The following CPED1 variants were observed in gnomAD, a reference collection of about 807,000 sequenced individuals.
The protein encoded by CPED1 is cadherin like and PC-esterase domain containing 1.
In CPED1, 114 loss-of-function variants were observed where a neutral mutation model predicts 128.2. That is an observed-to-expected ratio of 0.89 (90% confidence interval 0.76 to 1.04). The LOEUF (loss-of-function observed/expected upper bound fraction) is 1.04, where lower values mean the gene tolerates loss of function less well. Among genes scored for constraint, CPED1 ranks in the 50% least tolerant of loss-of-function variants. The pLI, the probability that CPED1 is intolerant of heterozygous loss-of-function variation, is 0.00. For missense variants in CPED1, 1,211 were observed against 1,207.1 expected (o/e 1.00, Z -0.05); for synonymous variants, 462 against 426.7 (o/e 1.08, Z -1.02).
In CPED1 at chr7:121,266,752, T is replaced by C; in HGVS notation, c.2577T>C (p.Gly859=). 6.2e-7 allele frequency: 1 copy of C among 1,613,094 alleles called. No homozygotes were observed. Among genetic ancestry groups the C allele is most frequent in the Non-Finnish European group, 8.5e-7 (1 of 1,179,328 alleles). The change falls in exon 20 of 23, where the codon GGT becomes GGC. Residue 859 remains glycine, a synonymous_variant. Transcript: ENST00000310396. ...ENTGQTVLVV[G]GVQWLNSNHL... ...CTGGCCAGACTGTATTGGTTGTTGGTGGTGTTCAGTGGCTTAATTCCAATC... is the reference window on the plus strand; with the variant it reads ...CTGGCCAGACTGTATTGGTTGTTGGCGGTGTTCAGTGGCTTAATTCCAATC...
In CPED1 at chr7:121,271,665, A is replaced by G. The variant is rs137896300; in HGVS notation, c.2868+235A>G. Among the ~76,000 whole-genome samples the G allele has an allele frequency of 2.7e-3, 407 of 152,254 alleles. 4 individuals carry two copies. Among genetic ancestry groups the G allele is most frequent in the African/African-American group, 9.5e-3 (393 of 41,574 alleles). On this transcript the variant is annotated intron_variant, in intron 22 of 22. Coordinates refer to ENST00000310396, the MANE Select transcript of CPED1 (RefSeq NM_024913.5). Reference sequence around the variant, plus strand: ...GTTTAGACACTTCAAAACTAGAACAATTGGTCAATGGAGGCAGGAATATGG... The same window carrying G: ...GTTTAGACACTTCAAAACTAGAACAGTTGGTCAATGGAGGCAGGAATATGG...
At chr7:121,209,259 A>G (rs1215641678) in intron 16 of CPED1, among the ~76,000 whole-genome samples, 3 of 151,956 alleles carry the variant, frequency 2.0e-5, no homozygotes, top group Admixed American at 1.3e-4. Context: ...TTGTTTTTAT[A>G]TAACTAGTCA....
At chr7:121,128,145 C>G (rs1197146376) in intron 10 of CPED1, among the ~76,000 whole-genome samples, 1 of 152,148 alleles carries the variant, frequency 6.6e-6, no homozygotes, top group African/African-American at 2.4e-5. Flanking sequence ...TCTCCCCAAC[C>G]TCACTACCAA....
intron 22 of CPED1, among the ~76,000 whole-genome samples, chr7:121,295,122 C>T (rs1584661461): frequency 6.9e-6 from 1 of 145,800 alleles, no homozygotes; most frequent in Non-Finnish European, 1.5e-5. Flanking sequence ...AACTGTATGT[C>T]AGTGTGCCTG....
chr7:121,127,750 G>A (rs1253973057), intron 10 of CPED1, among the ~76,000 whole-genome samples: 1 of 151,866 alleles, frequency 6.6e-6, no homozygotes, highest in Non-Finnish European at 1.5e-5. Context: ...TGGCCAGGCT[G>A]GTCTTGAACT....
chr7:121,015,641 A>T, intron 2 of CPED1, 24 bp from the exon 3 acceptor site: 2 of 1,582,874 alleles, frequency 1.3e-6, no homozygotes, highest in Admixed American at 1.9e-5. Context: ...TTTTATATTG[A>T]ATTTTTATGC....
intron 11 of CPED1, among the ~76,000 whole-genome samples, chr7:121,128,867 CT>C (rs1395960008): frequency 6.6e-6 from 1 of 151,994 alleles, no homozygotes; most frequent in Non-Finnish European, 1.5e-5. Context: ...TTATTATACC[CT>C]TTTTGTTTTT....
intron 5 of CPED1, among the ~76,000 whole-genome samples, chr7:121,065,898 C>T (rs1793818875): frequency 6.6e-6 from 1 of 151,952 alleles, no homozygotes; most frequent in South Asian, 2.1e-4. Context: ...TTATTTCTAC[C>T]ATCATGTTAT....
At chr7:121,023,316 A>G (rs781671648) in intron 3 of CPED1, among the ~76,000 whole-genome samples, 15 of 152,104 alleles carry the variant, frequency 9.9e-5, no homozygotes, top group Non-Finnish European at 1.9e-4. Flanking sequence ...ATTTATTTTT[A>G]GTAACTCAAG....
intron 2 of CPED1, among the ~76,000 whole-genome samples, chr7:121,009,873 A>C (rs758003481): frequency 6.6e-6 from 1 of 152,182 alleles, no homozygotes; most frequent in East Asian, 1.9e-4. Context: ...CAAATATTGA[A>C]CCTTTGACTG....
At chr7:121,067,931 C>T (rs1439788275) in intron 5 of CPED1, among the ~76,000 whole-genome samples, 1 of 152,168 alleles carries the variant, frequency 6.6e-6, no homozygotes, top group Non-Finnish European at 1.5e-5. Context: ...AGTGTCTGTT[C>T]ATATCCTTTG....
chr7:121,047,942 G>A (rs1164921140), intron 4 of CPED1, among the ~76,000 whole-genome samples: 1 of 151,802 alleles, frequency 6.6e-6, no homozygotes, highest in Admixed American at 6.6e-5. Context: ...TCCTGACTTC[G>A]CGATCCGCCC....
intron 2 of CPED1, among the ~76,000 whole-genome samples, chr7:120,993,629 G>T (rs960547078): frequency 2.0e-5 from 3 of 152,102 alleles, no homozygotes; most frequent in African/African-American, 4.8e-5. Flanking sequence ...ACTTGGCCCA[G>T]GTTTTCTAGA....
At chr7:121,144,914 C>G (rs1795988497) in intron 16 of CPED1, among the ~76,000 whole-genome samples, 1 of 151,808 alleles carries the variant, frequency 6.6e-6, no homozygotes, top group African/African-American at 2.4e-5. Context: ...ATAAGCAAAA[C>G]TAATCTATGT....
intron 7 of CPED1, among the ~76,000 whole-genome samples, chr7:121,104,817 G>A (rs1317751377): frequency 6.6e-6 from 1 of 151,986 alleles, no homozygotes; most frequent in Admixed American, 6.6e-5. Context: ...AATTGCCTGA[G>A]TCTACTTTAT....
chr7:121,260,231 T>G (rs1231487602), intron 18 of CPED1, among the ~76,000 whole-genome samples: 5 of 145,440 alleles, frequency 3.4e-5, no homozygotes, highest in African/African-American at 1.0e-4. Context: ...GCGTTTTTTT[T>G]TTTTTTTTTT....
intron 3 of CPED1, among the ~76,000 whole-genome samples, chr7:121,046,081 GAATA>G: frequency 6.6e-6 from 1 of 151,758 alleles, no homozygotes; most frequent in Non-Finnish European, 1.5e-5. Flanking sequence ...AAATCAAAGT[GAATA>G]AAGAAAAATA....
intron 19 of CPED1, 97 bp from the exon 20 acceptor site, chr7:121,266,610 T>G (rs769263098): frequency 3.5e-5 from 42 of 1,189,722 alleles, no homozygotes; most frequent in Non-Finnish European, 5.0e-5. Flanking sequence ...AGTCTTATGA[T>G]CAAGATGCCA....
intron 16 of CPED1, among the ~76,000 whole-genome samples, chr7:121,216,988 CCTTA>C (rs1797773385): frequency 1.3e-5 from 2 of 151,762 alleles, no homozygotes; most frequent in Admixed American, 6.6e-5. Flanking sequence ...GAGAGTTATT[CCTTA>C]CTTATTATCT....
Sources: allele counts gnomAD v4.1 joint callset (sites outside exome capture counted in the v4.1 genomes callset), GRCh38; gene constraint gnomAD v4.1.1; transcripts MANE v1.5; gene names NCBI Gene and HGNC (gene_info 2026-07-23, HGNC 2026-07-21).